Variants in TMTC3 observed in about 807,000 individuals in gnomAD.
The protein encoded by TMTC3 is protein O-mannosyl-transferase TMTC3.
In TMTC3, 52 loss-of-function variants were observed where a neutral mutation model predicts 92.2. The ratio of observed to expected loss-of-function variants is 0.56; its 90% CI spans 0.45 to 0.71. TMTC3 has a LOEUF of 0.71. Among genes scored for constraint, TMTC3 ranks in the 30% least tolerant of loss-of-function variants. The pLI, the probability that TMTC3 is intolerant of heterozygous loss-of-function variation, is 0.00. For missense variants in TMTC3, 896 were observed against 1,057.1 expected, an observed-to-expected ratio of 0.85 and a Z score of 2.11; for synonymous variants, 339 against 363.3, an observed-to-expected ratio of 0.93 and a Z score of 0.76.
In TMTC3 at chr12:88,198,872, G is replaced by T. The variant is rs1168864626; in HGVS notation, c.*3223G>T. On this transcript the variant is annotated 3_prime_UTR_variant, in exon 14 of 14. Transcript: ENST00000266712. ...TAAAATGAATGCCCAAAAATATCTT[G>T]TACCTTTGTCCAAAAGTTTATCTGT... 6.6e-6 allele frequency: 1 copy of T among 152,382 alleles called. No homozygotes were observed. Among genetic ancestry groups the T allele is most frequent in the Non-Finnish European group, 1.5e-5 (1 of 68,254 alleles). The allele number at this position is 152,382 out of a possible 1,614,324, so 9.4% of individuals were successfully genotyped here. A position where few individuals can be genotyped will look rare whatever the true frequency, so the allele number is the denominator to read the frequency against.
Position 88,176,354 on chromosome 12 carries a change from AT to A in TMTC3, c.1432+41del. ...ATTAACTAATAAAATCATGAATTTTATTTTTTAAAAAGTTTTGATTATCCTT... is the reference window on the plus strand; with the variant it reads ...ATTAACTAATAAAATCATGAATTTTATTTTTAAAAAGTTTTGATTATCCTT... On this transcript the variant is annotated intron_variant, in intron 10 of 13. Transcript: ENST00000266712. 3 of 1,482,922 alleles carry A rather than the reference AT, an allele frequency of 2.0e-6. No individual in the cohort carries two copies. In the South Asian group the frequency reaches 3.7e-5, roughly 18 times the overall value. The allele number at this position is 1,482,922 out of a possible 1,614,324, so 91.9% of individuals were successfully genotyped here. A position where few individuals can be genotyped will look rare whatever the true frequency, so the allele number is the denominator to read the frequency against.
At chr12:88,163,118 A>G (rs897968309) in intron 6 of TMTC3, among the ~76,000 whole-genome samples, 8 of 151,808 alleles carry the variant, frequency 5.3e-5, no homozygotes, top group Non-Finnish European at 1.2e-4. Context: ...GTTTCTCCAT[A>G]TTGGTCAGGC....
chr12:88,177,470 T>G (rs76514825), intron 10 of TMTC3, among the ~76,000 whole-genome samples: 3,519 of 152,190 alleles, frequency 0.023, 63 homozygotes, highest in Non-Finnish European at 0.035. Flanking sequence ...AAGGAGTGAA[T>G]AAATGATGAG....
intron 4 of TMTC3, among the ~76,000 whole-genome samples, chr12:88,158,670 G>GA (rs1367050181): frequency 1.4e-4 from 5 of 35,344 alleles, no homozygotes; most frequent in Non-Finnish European, 6.2e-4. Context: ...AGTGACAGAA[G>GA]AAAATGTATT....
intron 5 of TMTC3, 97 bp downstream of exon 5, chr12:88,160,326 T>C: frequency 1.5e-6 from 1 of 645,468 alleles, no homozygotes; most frequent in Non-Finnish European, 2.4e-6. Flanking sequence ...TGTATCATTA[T>C]GTAAATTAAT....
chr12:88,162,613 C>A (rs1364760913), intron 6 of TMTC3, among the ~76,000 whole-genome samples: 1 of 152,084 alleles, frequency 6.6e-6, no homozygotes, highest in Non-Finnish European at 1.5e-5. Context: ...CTGTTTTCAT[C>A]TTCAGAAGGA....
intron 6 of TMTC3, among the ~76,000 whole-genome samples, chr12:88,165,879 T>C (rs1482777875): frequency 6.6e-6 from 1 of 152,162 alleles, no homozygotes; most frequent in African/African-American, 2.4e-5. Context: ...CCAGGAAGCA[T>C]AATTTTTAAT....
Position 88,153,445 on chromosome 12 carries a change from T to C in TMTC3, c.344T>C (p.Leu115Pro), listed in dbSNP as rs781587073. The change falls in exon 3 of 14, where the codon CTG becomes CCG. Residue 115 changes from leucine (L) to proline (P), a missense_variant. Physicochemically the swap from Leu to Pro is moderately conservative, Grantham distance 98. Transcript: ENST00000266712. The stretch of plus-strand genomic sequence containing the variant: ...TTTCTCAAAGTATGCAAACTTTTTC[T>C]GGACAACAAGAGTAGTGTGATTGCT... ...VIFLKVCKLF[L>P]DNKSSVIASL... 1.9e-6 allele frequency: 3 copies of C among 1,613,710 alleles called. 1 individual carries two copies. In the Admixed American group the frequency reaches 5.0e-5, roughly 27 times the overall value.
At chr12:88,166,987 G>A (rs1262267616) in intron 7 of TMTC3, among the ~76,000 whole-genome samples, 1 of 108,710 alleles carries the variant, frequency 9.2e-6, no homozygotes, top group Non-Finnish European at 1.9e-5. Flanking sequence ...CTGATTATTT[G>A]AACAGTTTTT....
At chr12:88,144,160 T>C (rs2138348256) in intron 1 of TMTC3, among the ~76,000 whole-genome samples, 1 of 152,318 alleles carries the variant, frequency 6.6e-6, no homozygotes, top group East Asian at 1.9e-4. Flanking sequence ...CAGTATCTTG[T>C]GCCCACCTCC....
intron 6 of TMTC3, among the ~76,000 whole-genome samples, chr12:88,163,197 T>C (rs1341870206): frequency 6.6e-6 from 1 of 152,176 alleles, no homozygotes; most frequent in Non-Finnish European, 1.5e-5. Flanking sequence ...ATTACAGGCA[T>C]GAGCCACTGC....
intron 7 of TMTC3, among the ~76,000 whole-genome samples, chr12:88,171,617 G>C (rs1355173618): frequency 6.6e-6 from 1 of 152,040 alleles, no homozygotes; most frequent in Non-Finnish European, 1.5e-5. Flanking sequence ...GGATACTTAG[G>C]TTGTTCCCAT....
chr12:88,179,455 A>G (rs1184010626), intron 10 of TMTC3, among the ~76,000 whole-genome samples: 3 of 152,186 alleles, frequency 2.0e-5, no homozygotes, highest in Non-Finnish European at 2.9e-5. Flanking sequence ...TGTATGGGTT[A>G]TGTTAAATAC....
chr12:88,176,031 G>A (rs1016874703), intron 9 of TMTC3, among the ~76,000 whole-genome samples, 177 bp from the exon 10 acceptor site: 1 of 152,126 alleles, frequency 6.6e-6, no homozygotes, highest in Admixed American at 6.5e-5. Context: ...TAGTATGTTG[G>A]TGTTCAGGTT....
chr12:88,148,449 C>G lies in TMTC3; in HGVS notation c.134C>G (p.Ser45Cys). ...CTGGATAACAAAGACTTGCATCCAT[C>G]TACACCTTTAAAAACTTTATTTCAA... is the stretch of plus-strand genomic sequence containing the variant. Reference protein sequence around the residue: ...AILDNKDLHPSTPLKTLFQND... With the variant: ...AILDNKDLHPCTPLKTLFQND... Residue 45 changes from serine (S) to cysteine (C), a missense_variant, in exon 2 of 14, where the codon TCT becomes TGT. By Grantham distance (112) the Ser-to-Cys change is moderately radical (BLOSUM62 -1). Coordinates refer to ENST00000266712, the MANE Select transcript of TMTC3 (RefSeq NM_181783.4). 1 of 1,613,034 alleles carries G rather than the reference C, an allele frequency of 6.2e-7. No individual in the cohort carries two copies. The highest frequency in any genetic ancestry group is 1.1e-5 in the South Asian group (1 of 90,854).
At chr12:88,173,232 A>C in intron 8 of TMTC3, 1 of 427,718 alleles carries the variant, frequency 2.3e-6, no homozygotes. Context: ...CACACTGTAT[A>C]TATGCTTAGG....
intron 11 of TMTC3, 130 bp from the exon 12 acceptor site, chr12:88,190,323 C>A (rs1490366966): frequency 1.4e-6 from 1 of 731,656 alleles, no homozygotes; most frequent in Non-Finnish European, 2.1e-6. Flanking sequence ...GGAGTAGAAC[C>A]CTGATCTCTC....
chr12:88,153,180 T>C, intron 2 of TMTC3, 111 bp from the exon 3 acceptor site: 1 of 618,692 alleles, frequency 1.6e-6, no homozygotes, highest in Non-Finnish European at 2.8e-6. Flanking sequence ...TTATTGTTAT[T>C]TCTCAGTAAA....
At chr12:88,158,513 A>G (rs142277892) in intron 4 of TMTC3, among the ~76,000 whole-genome samples, 1 of 152,034 alleles carries the variant, frequency 6.6e-6, no homozygotes, top group African/African-American at 2.4e-5. Flanking sequence ...AGGAAAGAGT[A>G]TTATTATACT....
Sources: gnomAD v4.1 joint callset for allele counts (sites outside exome capture counted in the v4.1 genomes callset) on GRCh38, gnomAD v4.1.1 for gene constraint, MANE v1.5 for transcripts, NCBI Gene and HGNC (gene_info 2026-07-23, HGNC 2026-07-21) for gene names.